Variants in SLC6A18 observed in about 807,000 individuals in gnomAD.
The protein encoded by SLC6A18 is solute carrier family 6 member 18.
In SLC6A18, 58 loss-of-function variants were observed where a neutral mutation model predicts 62.9. The observed-to-expected ratio is 0.92, with a 90% confidence interval of 0.75 to 1.15. The LOEUF is 1.15. SLC6A18 is among the 50% of genes most tolerant of loss of function. The pLI, the probability that SLC6A18 is intolerant of heterozygous loss-of-function variation, is 0.00. For missense variants in SLC6A18, 793 were observed against 836.6 expected, an observed-to-expected ratio of 0.95 and a Z score of 0.64; for synonymous variants, 382 against 365.8, an observed-to-expected ratio of 1.04 and a Z score of -0.51.
chr5:1,244,570 A>G (rs371520095), intron 10 of SLC6A18, 38 bp from the exon 11 acceptor site: 2 of 1,567,054 alleles, frequency 1.3e-6, no homozygotes, highest in Non-Finnish European at 1.7e-6. Context: ...TGGACCTTCC[A>G]CAGACCATGT....
rs779196722 is a variant in SLC6A18 at position 1,245,866 on chromosome 5, CAGG to C, written c.1678_1680del (p.Glu560del). Reference sequence around the variant, plus strand: ...CCCGCAGGAGCTGTTCCCCTCGCGTCAGGAGAAGCTCTACCCGGGCTGGGCGCG... The same window carrying C: ...CCCGCAGGAGCTGTTCCCCTCGCGTCAGAAGCTCTACCCGGGCTGGGCGCG... On this transcript the variant is annotated inframe_deletion, in exon 12 of 12. Coordinates refer to ENST00000324642, the MANE Select transcript of SLC6A18 (RefSeq NM_182632.3). The C allele has an allele frequency of 1.6e-4, 256 of 1,607,960 alleles. No individual in the cohort carries two copies. Among genetic ancestry groups the C allele is most frequent in the Non-Finnish European group, 1.8e-4 (212 of 1,178,712 alleles).
chr5:1,237,842 C>A, intron 4 of SLC6A18, 108 bp from the exon 5 acceptor site: 2 of 821,998 alleles, frequency 2.4e-6, no homozygotes, highest in Non-Finnish European at 2.0e-6. Context: ...ATACCAGAGG[C>A]AGCCACTCTG....
At position 1,241,438 on chromosome 5, in the gene SLC6A18, G is replaced by A. The variant is rs1303395137; in HGVS notation, c.974+779G>A. Among the ~76,000 whole-genome samples the A allele has an allele frequency of 1.3e-5, 2 of 152,168 alleles. No homozygotes were observed. The highest frequency in any genetic ancestry group is 4.8e-5 in the African/African-American group (2 of 41,448). On this transcript the variant is annotated intron_variant, in intron 7 of 11. Transcript: ENST00000324642. The surrounding 1 kb of genome is among the most constrained non-coding windows in gnomAD (Gnocchi z 7.8). ...AGTGGGTGGAGGCCGAGGATACCTC[G>A]CAGCACCCTACAGTGTCCAGGACGG...
Position 1,225,405 on chromosome 5 carries a change from G to A in SLC6A18, c.-73G>A. 6.8e-7 allele frequency: 1 copy of A among 1,470,068 alleles called. No homozygotes were observed. Among genetic ancestry groups the A allele is most frequent in the Non-Finnish European group, 9.1e-7 (1 of 1,100,988 alleles). 91.1% of individuals were successfully genotyped at this position (1,470,068 alleles called of 1,614,324 possible). On this transcript the variant is annotated 5_prime_UTR_variant, in exon 1 of 12. Transcript: ENST00000324642. Reference sequence around the variant, plus strand: ...TGGTTTCCAAACGTCGGCAGAGGCTGGAGACGGCTCTCTAGTGCTGGGTGT... The same window carrying A: ...TGGTTTCCAAACGTCGGCAGAGGCTAGAGACGGCTCTCTAGTGCTGGGTGT...
At position 1,245,929 on chromosome 5, in the gene SLC6A18, CTG is replaced by C; in HGVS notation, c.1741_1742del (p.Trp581GlyfsTer66). On this transcript the variant is annotated frameshift_variant, in exon 12 of 12. Transcript: ENST00000324642. LOFTEE classifies it low-confidence loss of function (END_TRUNC). ...TGTGCTGCTGTCCTTGCTGCCCGTG[CTG>C]TGGGTCCCGGTGGCCGCGCTTGCTC... ...ACVLLSLLPV[L>X]WVPVAALAQL... 1 of 1,605,248 alleles carries C rather than the reference CTG, an allele frequency of 6.2e-7. No homozygotes were observed. Among genetic ancestry groups the C allele is most frequent in the South Asian group, 1.1e-5 (1 of 90,942 alleles).
rs377333177 is a variant in SLC6A18 at position 1,242,873 on chromosome 5, C to T, written c.1131+10C>T. ...AGACTTTCTGGATAAGGTACCTGCA[C>T]ACCCCCTGGGGTAGCCAGGCAGGGC... On this transcript the variant is annotated intron_variant, in intron 8 of 11. Transcript: ENST00000324642. The T allele has an allele frequency of 5.6e-5, 90 of 1,601,896 alleles. No individual in the cohort carries two copies. Among genetic ancestry groups the T allele is most frequent in the Non-Finnish European group, 7.2e-5 (85 of 1,173,022 alleles).
chr5:1,232,612 T>C, intron 2 of SLC6A18, 139 bp from the exon 3 acceptor site: 1 of 1,249,996 alleles, frequency 8.0e-7, no homozygotes, highest in Admixed American at 2.7e-5. Flanking sequence ...ACATGTGAGG[T>C]GTGAGGGAGG....
intron 1 of SLC6A18, 121 bp downstream of exon 1, chr5:1,225,758 C>G (rs1040182589): frequency 1.6e-6 from 2 of 1,235,452 alleles, no homozygotes; most frequent in Admixed American, 2.6e-5. Flanking sequence ...TCCTGGAAAC[C>G]AGGGTGCACC....
rs944889620 is a variant in SLC6A18 at position 1,244,278 on chromosome 5, G to A, written c.1401G>A (p.Trp467Ter). ...TCACGCTGCAGTCTGGGAACTACTG[G>A]CTGGAGATTTTCGACAATTTTGCCG... Reference protein sequence around the residue: ...TCFTLQSGNYWLEIFDNFAAS... With the variant: ...TCFTLQSGNY Residue 467 changes from tryptophan (W) to a stop codon, truncating the protein, a stop_gained, in exon 10 of 12, where the codon TGG becomes TGA. Coordinates refer to ENST00000324642, the MANE Select transcript of SLC6A18 (RefSeq NM_182632.3). LOFTEE classifies it high-confidence loss of function. 2 of 1,613,938 alleles carry A rather than the reference G, an allele frequency of 1.2e-6. No individual in the cohort carries two copies. Among genetic ancestry groups the A allele is most frequent in the African/African-American group, 2.7e-5 (2 of 74,868 alleles).
chr5:1,225,402 G>A lies in SLC6A18; in HGVS notation c.-76G>A. Reference sequence around the variant, plus strand: ...TTGTGGTTTCCAAACGTCGGCAGAGGCTGGAGACGGCTCTCTAGTGCTGGG... The same window carrying A: ...TTGTGGTTTCCAAACGTCGGCAGAGACTGGAGACGGCTCTCTAGTGCTGGG... On this transcript the variant is annotated 5_prime_UTR_variant, in exon 1 of 12. Transcript: ENST00000324642. The A allele has an allele frequency of 2.1e-6, 3 of 1,457,304 alleles. No homozygotes were observed. The highest frequency in any genetic ancestry group is 2.7e-6 in the Non-Finnish European group (3 of 1,092,274). The allele number at this position is 1,457,304 out of a possible 1,614,324, so 90.3% of individuals were successfully genotyped here.
At chr5:1,234,773 C>T (rs1746841399) in intron 3 of SLC6A18, among the ~76,000 whole-genome samples, 1 of 152,248 alleles carries the variant, frequency 6.6e-6, no homozygotes, top group Non-Finnish European at 1.5e-5. Context: ...ATGTCAATGA[C>T]TGGCAGGGCC....
At position 1,240,585 on chromosome 5, in the gene SLC6A18, C is replaced by T. The variant is rs1212739907; in HGVS notation, c.900C>T (p.Ser300=). The change falls in exon 7 of 12, where the codon TCC becomes TCT. Residue 300 remains serine, a synonymous_variant. Coordinates refer to ENST00000324642, the MANE Select transcript of SLC6A18 (RefSeq NM_182632.3). ...VVIALVNRMT[S]LYASIAVFSV... is the part of the protein sequence containing the mutation. The stretch of plus-strand genomic sequence containing the variant: ...TCGCCCTGGTCAACAGGATGACCTC[C>T]CTGTACGCGTCCATCGCTGTCTTCT... The T allele has an allele frequency of 6.2e-7, 1 of 1,614,152 alleles. No homozygotes were observed. The highest frequency in any genetic ancestry group is 8.5e-7 in the Non-Finnish European group (1 of 1,180,040).
At chr5:1,239,671 T>C in intron 6 of SLC6A18, 109 bp downstream of exon 6, 1 of 849,576 alleles carries the variant, frequency 1.2e-6, no homozygotes, top group Non-Finnish European at 1.9e-6. Flanking sequence ...TGTGTGAACC[T>C]GAGATAAGAA....
In SLC6A18 at chr5:1,240,148, C is replaced by T. The variant is rs184992609; in HGVS notation, c.846-383C>T. Among the ~76,000 whole-genome samples, 81 of 152,348 alleles carry T rather than the reference C, an allele frequency of 5.3e-4. No individual in the cohort carries two copies. The East Asian group carries it at 0.013, about 25-fold the overall frequency. ...CAGGGAAGCTTTAAATGTTTGTGATCGACACCTTACTTCCTTGAACTCACA... is the reference window on the plus strand; with the variant it reads ...CAGGGAAGCTTTAAATGTTTGTGATTGACACCTTACTTCCTTGAACTCACA... On this transcript the variant is annotated intron_variant, in intron 6 of 11. Coordinates refer to ENST00000324642, the MANE Select transcript of SLC6A18 (RefSeq NM_182632.3).
chr5:1,233,759 T>TTTTTTTTTTTTTTTTA, intron 3 of SLC6A18, among the ~76,000 whole-genome samples: 1 of 151,298 alleles, frequency 6.6e-6, no homozygotes, highest in African/African-American at 2.4e-5. Flanking sequence ...ATTTTTTTTT[T>TTTTTTTTTTTTTTTTA]GAGACGGAGT....
rs1264291828 is a variant in SLC6A18, at chr5:1,243,464, C to T, written c.1132-91C>T. 3 of 1,444,968 alleles carry T rather than the reference C, an allele frequency of 2.1e-6. No individual in the cohort carries two copies. Among genetic ancestry groups the T allele is most frequent in the Non-Finnish European group, 1.9e-6 (2 of 1,052,146 alleles). 89.5% of individuals were successfully genotyped at this position (1,444,968 alleles called of 1,614,324 possible). ...GGGTGATGTGCACTCGTGTCCTCGG[C>T]CTGGGAGAGTGTGTGTCCTGCAGGC... On this transcript the variant is annotated intron_variant, in intron 8 of 11. Transcript: ENST00000324642. The surrounding 1 kb of genome is among the most constrained non-coding windows in gnomAD (Gnocchi z 6.5).
chr5:1,242,677 A>G (rs767787509), intron 7 of SLC6A18, 30 bp from the exon 8 acceptor site: 2 of 1,573,496 alleles, frequency 1.3e-6, no homozygotes. Context: ...AACCAGGGCC[A>G]TGAGCCCACA....
intron 6 of SLC6A18, among the ~76,000 whole-genome samples, chr5:1,240,157 A>C (rs1235238716): frequency 1.3e-5 from 2 of 152,214 alleles, no homozygotes; most frequent in African/African-American, 4.8e-5. Context: ...TCGACACCTT[A>C]CTTCCTTGAA....
chr5:1,239,571 T>C lies in SLC6A18; in HGVS notation c.845+9T>C, dbSNP rs1746999285. 4.4e-6 allele frequency: 7 copies of C among 1,607,126 alleles called. No homozygotes were observed. Among genetic ancestry groups the C allele is most frequent in the East Asian group, 4.5e-5 (2 of 44,844 alleles). ...AGTTACAACTCGCCCAGGTAGGCAG[T>C]CGGGCTCAGCTGTCCAGCCAGGGAA... On this transcript the variant is annotated intron_variant, in intron 6 of 11. Transcript: ENST00000324642.
Sources: allele counts gnomAD v4.1 joint callset (sites outside exome capture counted in the v4.1 genomes callset), GRCh38; gene constraint gnomAD v4.1.1; non-coding constraint Gnocchi (gnomAD v3.1); transcripts MANE v1.5; gene names NCBI Gene and HGNC (gene_info 2026-07-23, HGNC 2026-07-21).